Variants in RBM42 observed in about 807,000 individuals in gnomAD.
RBM42 encodes RNA binding motif protein 42, also known as RNA-binding protein 42.
RBM42 carries 21 observed loss-of-function variants against 41.4 expected under a neutral mutation model. The observed-to-expected ratio is 0.51, with a 90% CI of 0.36 to 0.73. The LOEUF (loss-of-function observed/expected upper bound fraction) is 0.73, where lower values mean the gene tolerates loss of function less well. RBM42 is among the 30% of genes least tolerant of loss of function. The pLI, the probability that RBM42 is intolerant of heterozygous loss-of-function variation, is 0.00. For synonymous variants in RBM42, 272 were observed against 271.2 expected (o/e 1.00, Z -0.03); for missense variants, 539 against 680.4 (o/e 0.79, Z 2.31).
At chr19:35,632,884 C>G in intron 4 of RBM42, 52 bp from the exon 5 acceptor site, 1 of 789,934 alleles carries the variant, frequency 1.3e-6, no homozygotes, top group Non-Finnish European at 2.3e-6. Context: ...CACACCTTGT[C>G]CCAAGTGCCC....
Position 35,629,264 on chromosome 19 carries a change from G to T in RBM42, c.111G>T (p.Met37Ile), listed in dbSNP as rs1326692839. Residue 37 changes from methionine (M) to isoleucine (I), a missense_variant, in exon 1 of 10, where the codon ATG becomes ATT. Coordinates refer to ENST00000262633, the MANE Select transcript of RBM42 (RefSeq NM_024321.5). Reference sequence around the variant, plus strand: ...GCGGCGAGGAACGCTTGAAGGAAATGGAGGCGGAGATGGCCCTGTAAGGCC... The same window carrying T: ...GCGGCGAGGAACGCTTGAAGGAAATTGAGGCGGAGATGGCCCTGTAAGGCC... ...GKSGEERLKE[M>I]EAEMALFEQE... is the part of the protein sequence containing the mutation. 1.3e-6 allele frequency: 2 copies of T among 1,535,026 alleles called. No individual in the cohort carries two copies. Among genetic ancestry groups the T allele is most frequent in the Non-Finnish European group, 8.7e-7 (1 of 1,144,356 alleles).
At position 35,629,070 on chromosome 19, in the gene RBM42, G is replaced by A. The variant is rs1324830119; in HGVS notation, c.-84G>A. On this transcript the variant is annotated 5_prime_UTR_variant, in exon 1 of 10. Transcript: ENST00000262633. ...GGACGTCATCCTCGGGAGCCCACCC[G>A]GACGAAGGGGGAGAGTAGACAGCAG... The A allele has an allele frequency of 3.0e-5, 43 of 1,449,338 alleles. No homozygotes were observed. The highest frequency in any genetic ancestry group is 3.7e-5 in the Non-Finnish European group (41 of 1,104,124). 89.8% of individuals were successfully genotyped at this position (1,449,338 alleles called of 1,614,324 possible). A position where few individuals can be genotyped will look rare whatever the true frequency, so the allele number is the denominator to read the frequency against.
rs1967516081 is a variant in RBM42 at position 35,637,367 on chromosome 19, C to A, written c.1330+15C>A. 14 of 1,613,902 alleles carry A rather than the reference C, an allele frequency of 8.7e-6. No homozygotes were observed. The highest frequency in any genetic ancestry group is 1.2e-5 in the Non-Finnish European group (14 of 1,179,754). On this transcript the variant is annotated intron_variant, in intron 9 of 9. Coordinates refer to ENST00000262633, the MANE Select transcript of RBM42 (RefSeq NM_024321.5). This position sits in a 1 kb window ranked among gnomAD's most constrained non-coding sequence, Gnocchi z 7.0. ...TGAGATGAATGGTGGGTGCGGCCTCCCCTGGGAACTGCAGGCGCGGCAGGC... is the reference window on the plus strand; with the variant it reads ...TGAGATGAATGGTGGGTGCGGCCTCACCTGGGAACTGCAGGCGCGGCAGGC...
intron 8 of RBM42, among the ~76,000 whole-genome samples, chr19:35,635,394 G>A (rs1286875014): frequency 3.3e-5 from 5 of 151,262 alleles, no homozygotes; most frequent in East Asian, 1.9e-4. Context: ...TAACTAATTC[G>A]GTATCTTCTT....
Position 35,633,725 on chromosome 19 carries a change from G to T in RBM42, c.723G>T (p.Leu241=). ...CACCCCGAGAGCTGGGCCTAGGCCTGGGGTTGGGCCTGAAAGAGAAGGAAG... is the reference window on the plus strand; with the variant it reads ...CACCCCGAGAGCTGGGCCTAGGCCTTGGGTTGGGCCTGAAAGAGAAGGAAG... ...PAAPRELGLG[L]GLGLKEKEEA... Residue 241 remains leucine, a synonymous_variant, in exon 7 of 10, where the codon CTG becomes CTT. Coordinates refer to ENST00000262633, the MANE Select transcript of RBM42 (RefSeq NM_024321.5). 6.7e-7 allele frequency: 1 copy of T among 1,483,890 alleles called. No individual in the cohort carries two copies. The highest frequency in any genetic ancestry group is 1.5e-5 in the African/African-American group (1 of 68,326). The allele number at this position is 1,483,890 out of a possible 1,614,324, so 91.9% of individuals were successfully genotyped here.
rs992557029 is a variant in RBM42, at chr19:35,637,097, A to G, written c.1136-61A>G. On this transcript the variant is annotated intron_variant, in intron 8 of 9. Transcript: ENST00000262633. This position sits in a 1 kb window ranked among gnomAD's most constrained non-coding sequence, Gnocchi z 7.0. ...CCTCCGAAAAGGTGGGATCGTTCAG[A>G]CAAGGTAGACACTGGGCAAGGCCTC... The G allele has an allele frequency of 1.5e-5, 23 of 1,486,564 alleles. No homozygotes were observed. Among genetic ancestry groups the G allele is most frequent in the Non-Finnish European group, 2.0e-5 (22 of 1,093,084 alleles). The allele number at this position is 1,486,564 out of a possible 1,614,324, so 92.1% of individuals were successfully genotyped here. A position where few individuals can be genotyped will look rare whatever the true frequency, so the allele number is the denominator to read the frequency against.
At chr19:35,630,425 T>C (rs534941459) in intron 2 of RBM42, among the ~76,000 whole-genome samples, 63 of 151,346 alleles carry the variant, frequency 4.2e-4, no homozygotes, top group African/African-American at 1.5e-3. Context: ...TGGGAGGAGA[T>C]AAGGACAGAG....
At chr19:35,636,686 T>A (rs1288072599) in intron 8 of RBM42, among the ~76,000 whole-genome samples, 1 of 152,146 alleles carries the variant, frequency 6.6e-6, no homozygotes, top group African/African-American at 2.4e-5. Context: ...AAGCCCATGT[T>A]CCTGAGGTGC....
At chr19:35,631,652 T>A in intron 4 of RBM42, 1 of 562,598 alleles carries the variant, frequency 1.8e-6, no homozygotes. Flanking sequence ...TAACACCTCA[T>A]AACAAGCTAT....
At chr19:35,632,757 G>A (rs1173779870) in intron 4 of RBM42, among the ~76,000 whole-genome samples, 179 bp from the exon 5 acceptor site, 1 of 152,070 alleles carries the variant, frequency 6.6e-6, no homozygotes, top group Non-Finnish European at 1.5e-5. Context: ...CTTCTCAGTG[G>A]TAAATTTTCA....
rs1443523839 is a variant in RBM42, at chr19:35,629,212, G to A, written c.59G>A (p.Gly20Asp). 9.1e-6 allele frequency: 14 copies of A among 1,538,490 alleles called. No homozygotes were observed. Among genetic ancestry groups the A allele is most frequent in the South Asian group, 3.6e-5 (3 of 83,912 alleles). ...GGTGCAGGAGGACCCGTGGTCCCGGGTCCTGGCGCTGGCATCCCGGGCAAA... is the reference window on the plus strand; with the variant it reads ...GGTGCAGGAGGACCCGTGGTCCCGGATCCTGGCGCTGGCATCCCGGGCAAA... Reference protein sequence around the residue: ...LPGAGGPVVPGPGAGIPGKSG... With the variant: ...LPGAGGPVVPDPGAGIPGKSG... The change falls in exon 1 of 10, where the codon GGT (glycine) becomes GAT (aspartate). Residue 20 changes from glycine (G) to aspartate (D), a missense_variant. By Grantham distance (94) the Gly-to-Asp change is moderately conservative. This residue lies in a region of RBM42 where 429 missense variants were observed against 488.9 expected (regional missense o/e 0.88). Coordinates refer to ENST00000262633, the MANE Select transcript of RBM42 (RefSeq NM_024321.5).
chr19:35,635,677 T>C (rs1967485160), intron 8 of RBM42, among the ~76,000 whole-genome samples: 1 of 151,896 alleles, frequency 6.6e-6, no homozygotes, highest in Non-Finnish European at 1.5e-5. Context: ...CGCACGACCA[T>C]GCTTGGCTAA....
intron 1 of RBM42, 82 bp from the exon 2 acceptor site, chr19:35,629,438 G>T (rs745905316): frequency 9.5e-6 from 15 of 1,575,870 alleles, no homozygotes; most frequent in African/African-American, 1.3e-5. Context: ...GGTTGGCAGG[G>T]GTGAGGGTCC....
Position 35,633,906 on chromosome 19 carries a change from T to C in RBM42, c.904T>C (p.Leu302=), listed in dbSNP as rs759914291. The C allele has an allele frequency of 1.3e-5, 21 of 1,593,808 alleles. No individual in the cohort carries two copies. Among genetic ancestry groups the C allele is most frequent in the Non-Finnish European group, 1.7e-5 (20 of 1,174,228 alleles). ...CGAGCCTGAGCCCCTGCCCCTCCCG[T>C]TGGAGGTCGTCCGCGGCCTCCTGCC... ...LPEPEPLPLP[L]EVVRGLLPPL... The change falls in exon 7 of 10, where the codon TTG becomes CTG. Residue 302 remains leucine (L), a synonymous_variant. Transcript: ENST00000262633.
At position 35,629,279 on chromosome 19, in the gene RBM42, C is replaced by T; in HGVS notation, c.126C>T (p.Ala42=). The T allele has an allele frequency of 6.6e-7, 1 of 1,525,768 alleles. No homozygotes were observed. Among genetic ancestry groups the T allele is most frequent in the Non-Finnish European group, 8.8e-7 (1 of 1,139,740 alleles). The allele number at this position is 1,525,768 out of a possible 1,614,324, so 94.5% of individuals were successfully genotyped here. A position where few individuals can be genotyped will look rare whatever the true frequency, so the allele number is the denominator to read the frequency against. The change falls in exon 1 of 10, where the codon GCC becomes GCT. Residue 42 remains alanine, a splice_region_variant and synonymous_variant. Coordinates refer to ENST00000262633, the MANE Select transcript of RBM42 (RefSeq NM_024321.5). The part of the protein sequence containing the change: ...ERLKEMEAEM[A]LFEQEVLGAP... Reference sequence around the variant, plus strand: ...TGAAGGAAATGGAGGCGGAGATGGCCCTGTAAGGCCCGCGACAGAGAGTGA... The same window carrying T: ...TGAAGGAAATGGAGGCGGAGATGGCTCTGTAAGGCCCGCGACAGAGAGTGA...
At chr19:35,632,164 G>A (rs1599605988) in intron 4 of RBM42, among the ~76,000 whole-genome samples, 2 of 152,278 alleles carry the variant, frequency 1.3e-5, no homozygotes, top group South Asian at 4.1e-4. Flanking sequence ...TTATTAATCT[G>A]ATGATCTCTG....
chr19:35,634,504 G>A, intron 8 of RBM42, 131 bp downstream of exon 8: 1 of 626,630 alleles, frequency 1.6e-6, no homozygotes, highest in Admixed American at 2.8e-5. Flanking sequence ...CCTTGGGGAG[G>A]GGAGGCTATG....
intron 8 of RBM42, among the ~76,000 whole-genome samples, chr19:35,634,621 A>T (rs1967464417): frequency 6.7e-6 from 1 of 150,346 alleles, no homozygotes; most frequent in Admixed American, 6.6e-5. Context: ...GGCTTCAGAG[A>T]GCATTCTTTT....
Position 35,633,669 on chromosome 19 carries a change from C to G in RBM42, c.685-18C>G, listed in dbSNP as rs375788535. 38 of 1,424,376 alleles carry G rather than the reference C, an allele frequency of 2.7e-5. No homozygotes were observed. The African/African-American group carries it at 4.6e-4, about 17-fold the overall frequency. The allele number at this position is 1,424,376 out of a possible 1,614,324, so 88.2% of individuals were successfully genotyped here. A position where few individuals can be genotyped will look rare whatever the true frequency, so the allele number is the denominator to read the frequency against. ...AGCCTGTGAGCCGGCCCCCCTCATGCTCTCCTCTTACCCACAGGAAGAGCC... is the reference window on the plus strand; with the variant it reads ...AGCCTGTGAGCCGGCCCCCCTCATGGTCTCCTCTTACCCACAGGAAGAGCC... On this transcript the variant is annotated intron_variant, in intron 6 of 9. Coordinates refer to ENST00000262633, the MANE Select transcript of RBM42 (RefSeq NM_024321.5).
Sources: gnomAD v4.1 joint callset for allele counts (sites outside exome capture counted in the v4.1 genomes callset) on GRCh38, gnomAD v4.1.1 for gene constraint, gnomAD v4.1.1 regional missense constraint, Gnocchi (gnomAD v3.1) non-coding constraint, MANE v1.5 for transcripts, NCBI Gene and HGNC (gene_info 2026-07-23, HGNC 2026-07-21) for gene names.